Variants in CDH23 observed in about 807,000 individuals in gnomAD.
CDH23 encodes cadherin related 23.
In CDH23, 189 loss-of-function variants were observed where a neutral mutation model predicts 317.1. That is an observed-to-expected ratio of 0.60 (90% CI 0.53 to 0.67). The LOEUF (loss-of-function observed/expected upper bound fraction) is 0.67. CDH23 is among the 30% of genes least tolerant of loss of function. The probability of loss-of-function intolerance (pLI) is 0.00; values close to 1 mark genes in which losing one functional copy is unlikely to be tolerated. For synonymous variants in CDH23, 1,839 were observed against 1,876.8 expected (o/e 0.98, Z 0.52); for missense variants, 4,401 against 4,592.4 (o/e 0.96, Z 1.20).
At chr10:71,406,798 G>A (rs1006118001) in intron 1 of CDH23, among the ~76,000 whole-genome samples, 1 of 152,176 alleles carries the variant, frequency 6.6e-6, no homozygotes, top group Non-Finnish European at 1.5e-5. Context: ...TAGGCCCTTG[G>A]GGCCCATCAG....
At chr10:71,499,041 G>T (rs1853131000) in intron 3 of CDH23, among the ~76,000 whole-genome samples, 1 of 152,042 alleles carries the variant, frequency 6.6e-6, no homozygotes, top group Non-Finnish European at 1.5e-5. Context: ...AAAGAAATGT[G>T]GTATATATAC....
chr10:71,719,666 G>A (rs895249495), intron 28 of CDH23: 1 of 152,750 alleles, frequency 6.5e-6, no homozygotes, highest in African/African-American at 2.4e-5. Flanking sequence ...TCCGTGGAGA[G>A]GTCTTCTCAG....
chr10:71,429,259 G>A (rs533302881), intron 1 of CDH23, among the ~76,000 whole-genome samples: 1 of 152,152 alleles, frequency 6.6e-6, no homozygotes, highest in African/African-American at 2.4e-5. Context: ...TAGGCTGGAC[G>A]TGACTGAGCT....
intron 6 of CDH23, among the ~76,000 whole-genome samples, chr10:71,532,711 G>GTTTTTTTT (rs531593760): frequency 1.5e-4 from 19 of 128,092 alleles, no homozygotes; most frequent in Non-Finnish European, 2.5e-4. Flanking sequence ...TTTTGTTTTT[G>GTTTTTTTT]TTTTTTTTTT....
chr10:71,504,320 T>C (rs1019042115), intron 3 of CDH23, among the ~76,000 whole-genome samples: 5 of 152,246 alleles, frequency 3.3e-5, no homozygotes. Flanking sequence ...TTTGTCTTTC[T>C]GGGACTGGCT....
At position 71,809,815 on chromosome 10, in the gene CDH23, T is replaced by C. The variant is rs750648059; in HGVS notation, c.8723-5T>C. 6.2e-6 allele frequency: 10 copies of C among 1,609,592 alleles called. No individual in the cohort carries two copies. The East Asian group carries it at 2.0e-4, about 32-fold the overall frequency. On this transcript the variant is annotated splice_polypyrimidine_tract_variant and splice_region_variant and intron_variant, in intron 60 of 69. Coordinates refer to ENST00000224721, the MANE Select transcript of CDH23 (RefSeq NM_022124.6). ...AGCCGTACCCCGCCTTTGGGCTTCC[T>C]GCAGGGAGCATGGACGGCATTCTGC...
chr10:71,736,801 T>C (rs946051342), intron 34 of CDH23, among the ~76,000 whole-genome samples: 1 of 152,146 alleles, frequency 6.6e-6, no homozygotes. Flanking sequence ...AAGTGTACGA[T>C]ACAGTGAGGG....
intron 3 of CDH23, 92 bp from the exon 4 acceptor site, chr10:71,509,990 C>G (rs1196389177): frequency 5.5e-6 from 8 of 1,464,512 alleles, no homozygotes; most frequent in Admixed American, 5.1e-5. Flanking sequence ...AATGGCCACT[C>G]CCTGCTGAGA....
chr10:71,792,820 T>TAAAAAAA (rs1158593304), intron 47 of CDH23, among the ~76,000 whole-genome samples: 3 of 47,920 alleles, frequency 6.3e-5, no homozygotes, highest in East Asian at 7.6e-4. Context: ...AGACTCCATC[T>TAAAAAAA]AAAAAAAAAA....
rs568173852 is a variant in CDH23, at chr10:71,523,832, G to C, written c.429+12620G>C. On this transcript the variant is annotated intron_variant, in intron 6 of 69. Coordinates refer to ENST00000224721, the MANE Select transcript of CDH23 (RefSeq NM_022124.6). ...AAGCTGACGACCAGAAGCCCGGAAGGCTGGCGGGGTCTCATCCCGGCCCCC... is the reference window on the plus strand; with the variant it reads ...AAGCTGACGACCAGAAGCCCGGAAGCCTGGCGGGGTCTCATCCCGGCCCCC... Among the ~76,000 whole-genome samples the C allele has an allele frequency of 1.9e-4, 29 of 152,290 alleles. 1 individual carries two copies. The highest frequency in any genetic ancestry group is 1.0e-3 in the South Asian group (5 of 4,826).
At chr10:71,541,778 TG>T (rs1856002516) in intron 6 of CDH23, among the ~76,000 whole-genome samples, 1 of 152,214 alleles carries the variant, frequency 6.6e-6, no homozygotes, top group South Asian at 2.1e-4. Context: ...ACCTTTCTTG[TG>T]ATACAAAAGC....
chr10:71,573,124 A>G (rs1031183952), intron 8 of CDH23, among the ~76,000 whole-genome samples: 7 of 152,244 alleles, frequency 4.6e-5, no homozygotes, highest in Non-Finnish European at 7.3e-5. Flanking sequence ...GATAATGCAC[A>G]TAAAACACAC....
rs539072125 is a variant in CDH23 at position 71,601,263 on chromosome 10, C to T, written c.833-14241C>T. 2.0e-5 allele frequency among the ~76,000 whole-genome samples: 3 copies of T among 152,376 alleles called. No individual in the cohort carries two copies. The South Asian group carries it at 6.2e-4, about 32-fold the overall frequency. On this transcript the variant is annotated intron_variant, in intron 9 of 69. Coordinates refer to ENST00000224721, the MANE Select transcript of CDH23 (RefSeq NM_022124.6). ...ATGGCTTCAAATCTCAGTGCGACCA[C>T]TTACAAGCCTTATGACTTTTTCACC...
At chr10:71,434,805 T>G (rs1254553502) in intron 1 of CDH23, among the ~76,000 whole-genome samples, 1 of 152,174 alleles carries the variant, frequency 6.6e-6, no homozygotes, top group African/African-American at 2.4e-5. Flanking sequence ...TCACCCCTGA[T>G]GGAGCATGCA....
At chr10:71,777,004 G>T (rs1010740544) in intron 38 of CDH23, among the ~76,000 whole-genome samples, 8 of 152,214 alleles carry the variant, frequency 5.3e-5, no homozygotes, top group Non-Finnish European at 1.5e-5. Context: ...AATATTACTT[G>T]TGGTCCAATT....
chr10:71,467,697 A>G (rs984558445), intron 3 of CDH23, among the ~76,000 whole-genome samples: 1 of 151,422 alleles, frequency 6.6e-6, no homozygotes, highest in Non-Finnish European at 1.5e-5. Flanking sequence ...GTGGAGGATG[A>G]TCATATCTAC....
At chr10:71,550,989 A>C (rs1215603091) in intron 6 of CDH23, among the ~76,000 whole-genome samples, 1 of 152,216 alleles carries the variant, frequency 6.6e-6, no homozygotes, top group East Asian at 1.9e-4. Context: ...CAGAAAACAT[A>C]TACACATATT....
intron 38 of CDH23, among the ~76,000 whole-genome samples, chr10:71,759,874 C>CACACACACATATACACACACACATATAT (rs1564779202): frequency 1.4e-5 from 1 of 70,274 alleles, no homozygotes; most frequent in Non-Finnish European, 3.5e-5. Context: ...CATATATATA[C>CACACACACATATACACACACACATATAT]ACACACACAC....
chr10:71,628,970 A>G (rs1377284224), intron 11 of CDH23, among the ~76,000 whole-genome samples: 1 of 152,210 alleles, frequency 6.6e-6, no homozygotes, highest in Non-Finnish European at 1.5e-5. Flanking sequence ...GTTTTAGGGA[A>G]GGTCACAGAG....
Sources: allele counts gnomAD v4.1 joint callset (sites outside exome capture counted in the v4.1 genomes callset), GRCh38; gene constraint gnomAD v4.1.1; transcripts MANE v1.5; gene names NCBI Gene and HGNC (gene_info 2026-07-23, HGNC 2026-07-21).